The following LZTFL1 variants were observed in gnomAD, a reference collection of about 807,000 sequenced individuals.
The protein encoded by LZTFL1 is leucine zipper transcription factor-like protein 1.
In LZTFL1, 25 loss-of-function variants were observed where a neutral mutation model predicts 45.9. The observed-to-expected ratio is 0.54, with a 90% CI of 0.40 to 0.76. LZTFL1 has a LOEUF of 0.76. Ranked by LOEUF, LZTFL1 falls within the 30% of genes least tolerant of loss-of-function variation. The pLI is 0.00. For synonymous variants in LZTFL1, 93 were observed against 117.4 expected, an observed-to-expected ratio of 0.79 and a Z score of 1.35; for missense variants, 277 against 331.1, an observed-to-expected ratio of 0.84 and a Z score of 1.27.
chr3:45,837,968 G>C lies in LZTFL1; in HGVS notation c.87C>G (p.Leu29=). Residue 29 remains leucine, a synonymous_variant, in exon 2 of 10, where the codon CTC becomes CTG. Coordinates refer to ENST00000296135, the MANE Select transcript of LZTFL1 (RefSeq NM_020347.4). ...RFARSKRGLR[L]KTVDSCFQDL... Reference sequence around the variant, plus strand: ...CTTGGAAGCAGGAATCTACAGTTTTGAGTCTCAAGCCTCTCTTTGAACGAG... The same window carrying C: ...CTTGGAAGCAGGAATCTACAGTTTTCAGTCTCAAGCCTCTCTTTGAACGAG... 6.2e-7 allele frequency: 1 copy of C among 1,613,530 alleles called. No individual in the cohort carries two copies. The highest frequency in any genetic ancestry group is 8.5e-7 in the Non-Finnish European group (1 of 1,179,830).
Position 45,825,918 on chromosome 3 carries a change from C to T in LZTFL1, c.*396G>A, listed in dbSNP as rs1029342027. 1 of 171,388 alleles carries T rather than the reference C, an allele frequency of 5.8e-6. No individual in the cohort carries two copies. Among genetic ancestry groups the T allele is most frequent in the African/African-American group, 2.4e-5 (1 of 42,194 alleles). 10.6% of individuals were successfully genotyped at this position (171,388 alleles called of 1,614,324 possible). ...TTGGTAATAACTATCTTTAACAATG[C>T]TATTATTTATTTTTACCCATGGGGA... is the stretch of plus-strand genomic sequence containing the variant. On this transcript the variant is annotated 3_prime_UTR_variant, in exon 10 of 10. Coordinates refer to ENST00000296135, the MANE Select transcript of LZTFL1 (RefSeq NM_020347.4).
At chr3:45,867,552 A>T (rs1468973220) in intron 2 of LZTFL1, among the ~76,000 whole-genome samples, 12 of 151,908 alleles carry the variant, frequency 7.9e-5, no homozygotes, top group Non-Finnish European at 1.8e-4. Flanking sequence ...TCTTTAGAAA[A>T]CTCATCTTAG....
chr3:45,874,572 C>T (rs1242512287), intron 2 of LZTFL1, among the ~76,000 whole-genome samples: 1 of 152,148 alleles, frequency 6.6e-6, no homozygotes, highest in Admixed American at 6.5e-5. Context: ...ATTCCCTTCC[C>T]TTCCCACCAC....
intron 2 of LZTFL1, among the ~76,000 whole-genome samples, chr3:45,887,732 G>T (rs1199448152): frequency 6.6e-6 from 1 of 152,188 alleles, no homozygotes; most frequent in Admixed American, 6.5e-5. Flanking sequence ...TCTTTGTGTA[G>T]GCCTCACTCA....
In LZTFL1 at chr3:45,900,812, C is replaced by A. The variant is rs1354930171; in HGVS notation, c.-215+12308G>T. On this transcript the variant is annotated intron_variant, in intron 2 of 4. Coordinates refer to the LZTFL1 transcript ENST00000472635. The surrounding 1 kb of genome is among the most constrained non-coding windows in gnomAD (Gnocchi z 4.7). ...TGCCATCTTGTGTCCCCTTGCAGAG[C>A]CCTATTCCTAACATGGCTGATGACT... The A allele has an allele frequency of 3.1e-6, 5 of 1,609,550 alleles. No homozygotes were observed. The Admixed American group carries it at 6.7e-5, about 22-fold the overall frequency.
intron 1 of LZTFL1, among the ~76,000 whole-genome samples, chr3:45,914,287 A>AT (rs61169591): frequency 0.016 from 2,215 of 142,436 alleles, 22 homozygotes; most frequent in Non-Finnish European, 0.02. Flanking sequence ...ATGGATCTGC[A>AT]TTTTTTTTTT....
intron 2 of LZTFL1, among the ~76,000 whole-genome samples, chr3:45,882,890 C>G (rs1701887710): frequency 6.6e-6 from 1 of 151,470 alleles, no homozygotes; most frequent in Non-Finnish European, 1.5e-5. Flanking sequence ...AGAGATTCCT[C>G]TAGTGGGAAA....
rs1246850247 is a variant in LZTFL1 at position 45,878,261 on chromosome 3, C to T, written c.-214-19245G>A. Among the ~76,000 whole-genome samples, 3 of 152,320 alleles carry T rather than the reference C, an allele frequency of 2.0e-5. No individual in the cohort carries two copies. The East Asian group carries it at 5.8e-4, about 29-fold the overall frequency. ...ACTATGGCCAGCACCAGCCCGAGGC[C>T]TGAAGCTTTCCTCTGGGTCTCCCTT... is the stretch of plus-strand genomic sequence containing the variant. On this transcript the variant is annotated intron_variant, in intron 2 of 4. Coordinates refer to the LZTFL1 transcript ENST00000472635.
At chr3:45,891,226 T>G (rs1295707512) in intron 2 of LZTFL1, among the ~76,000 whole-genome samples, 1 of 152,216 alleles carries the variant, frequency 6.6e-6, no homozygotes, top group African/African-American at 2.4e-5. Context: ...CTACTCATTT[T>G]TATTTCAGAC....
rs529162110 is a variant in LZTFL1 at position 45,890,388 on chromosome 3, T to C, written c.-215+22732A>G. ...ATAACATATATAAAGTGTTTTCTAATTGATATCTCAAAAATCAACCTCCGT... is the reference window on the plus strand; with the variant it reads ...ATAACATATATAAAGTGTTTTCTAACTGATATCTCAAAAATCAACCTCCGT... On this transcript the variant is annotated intron_variant, in intron 2 of 4. Coordinates refer to the LZTFL1 transcript ENST00000472635. Among the ~76,000 whole-genome samples the C allele has an allele frequency of 7.1e-4, 36 of 50,598 alleles. No homozygotes were observed. In the South Asian group the frequency reaches 0.018, roughly 26 times the overall value. The allele number at this position is 50,598 out of a possible 152,430, so 33.2% of individuals were successfully genotyped here. A position where few individuals can be genotyped will look rare whatever the true frequency, so the allele number is the denominator to read the frequency against.
At position 45,830,903 on chromosome 3, in the gene LZTFL1, C is replaced by T; in HGVS notation, c.600+10G>A. ...GAAAATGTGAGAAAGGTAGCTAAAA[C>T]TTGTTTCACCTTTTGATTTCCTTGA... On this transcript the variant is annotated intron_variant, in intron 7 of 9. Coordinates refer to ENST00000296135, the MANE Select transcript of LZTFL1 (RefSeq NM_020347.4). The T allele has an allele frequency of 2.5e-6, 4 of 1,611,752 alleles. No homozygotes were observed. The highest frequency in any genetic ancestry group is 3.4e-6 in the Non-Finnish European group (4 of 1,178,348).
rs903084120 is a variant in LZTFL1 at position 45,912,432 on chromosome 3, T to G, written c.-215+688A>C. Among the ~76,000 whole-genome samples, 110 of 152,336 alleles carry G rather than the reference T, an allele frequency of 7.2e-4. 1 individual carries two copies. The highest frequency in any genetic ancestry group is 2.6e-3 in the African/African-American group (108 of 41,574). On this transcript the variant is annotated intron_variant, in intron 2 of 4. Transcript: ENST00000472635. ...CTTTTCCCACACCTGGAATCTGGGC[T>G]GGCCTGTGACTTGCTCTGACCAACA...
At chr3:45,867,285 G>A (rs933623697) in intron 2 of LZTFL1, among the ~76,000 whole-genome samples, 1 of 151,628 alleles carries the variant, frequency 6.6e-6, no homozygotes, top group Non-Finnish European at 1.5e-5. Flanking sequence ...CTCTCAAGGT[G>A]TTGTTAAAAT....
chr3:45,903,929 T>C (rs1010202612), intron 2 of LZTFL1, among the ~76,000 whole-genome samples: 2 of 152,346 alleles, frequency 1.3e-5, no homozygotes, highest in Non-Finnish European at 2.9e-5. Flanking sequence ...AAAAGATGCA[T>C]GAGCCACTTC....
chr3:45,849,300 A>G (rs1701271627), intron 4 of LZTFL1, among the ~76,000 whole-genome samples: 1 of 152,244 alleles, frequency 6.6e-6, no homozygotes, highest in African/African-American at 2.4e-5. Context: ...CAGAAAGGAC[A>G]GAGGGAACAT....
intron 2 of LZTFL1, chr3:45,913,108 G>A (rs1384756567): frequency 6.5e-7 from 1 of 1,535,808 alleles, no homozygotes; most frequent in East Asian, 2.4e-5. Context: ...TCTGTAAATG[G>A]TTCAGACTTA....
At chr3:45,909,918 C>G (rs904976071) in intron 2 of LZTFL1, among the ~76,000 whole-genome samples, 4 of 152,188 alleles carry the variant, frequency 2.6e-5, no homozygotes, top group Non-Finnish European at 5.9e-5. Context: ...GGGACCATCA[C>G]CCCTAATTCT....
chr3:45,897,817 C>T (rs1486463828), intron 2 of LZTFL1, among the ~76,000 whole-genome samples: 2 of 152,078 alleles, frequency 1.3e-5, no homozygotes, highest in Admixed American at 6.6e-5. Context: ...TGCTGCTCCT[C>T]GCTACCTGGA....
chr3:45,888,041 C>T (rs763387018), intron 2 of LZTFL1, among the ~76,000 whole-genome samples: 1 of 152,172 alleles, frequency 6.6e-6, no homozygotes, highest in Non-Finnish European at 1.5e-5. Flanking sequence ...GCACAATAAC[C>T]CCATGCTGAT....
Sources: allele counts gnomAD v4.1 joint callset (sites outside exome capture counted in the v4.1 genomes callset), GRCh38; gene constraint gnomAD v4.1.1; non-coding constraint Gnocchi (gnomAD v3.1); transcripts MANE v1.5; gene names NCBI Gene and HGNC (gene_info 2026-07-23, HGNC 2026-07-21).